Variants in ACTL6A observed in about 807,000 individuals in gnomAD.
The protein encoded by ACTL6A is actin like 6A.
A neutral mutation model predicts 59.2 loss-of-function variants in ACTL6A; 5 were observed. The ratio of observed to expected loss-of-function variants is 0.08; its 90% CI spans 0.04 to 0.18. The LOEUF (loss-of-function observed/expected upper bound fraction) is 0.18, where lower values mean the gene tolerates loss of function less well. Among genes scored for constraint, ACTL6A ranks in the 10% least tolerant of loss-of-function variants. ACTL6A has a pLI of 1.00. For missense variants in ACTL6A, 285 were observed against 526.9 expected (o/e 0.54, Z 4.49); for synonymous variants, 154 against 171.8 (o/e 0.90, Z 0.81).
intron 8 of ACTL6A, among the ~76,000 whole-genome samples, chr3:179,578,895 A>G (rs575222394): frequency 6.6e-6 from 1 of 152,082 alleles, no homozygotes; most frequent in Non-Finnish European, 1.5e-5. Context: ...CCTCCTGAGT[A>G]GCTGGGACTA....
In ACTL6A at chr3:179,582,092, C is replaced by T. The variant is rs915612115; in HGVS notation, c.1026+872C>T. Among the ~76,000 whole-genome samples the T allele has an allele frequency of 4.6e-5, 7 of 152,254 alleles. 1 individual carries two copies. Among genetic ancestry groups the T allele is most frequent in the East Asian group, 1.9e-4 (1 of 5,186 alleles). ...GCTATGAAAATCATACTTTATTTTA[C>T]CTTTATTTCACCTGGTAACCTAGTA... On this transcript the variant is annotated intron_variant, in intron 11 of 13. Coordinates refer to ENST00000429709, the MANE Select transcript of ACTL6A (RefSeq NM_004301.5).
chr3:179,586,626 C>T lies in ACTL6A; in HGVS notation c.1203C>T (p.Ala401=), dbSNP rs1306696628. The T allele has an allele frequency of 6.3e-7, 1 of 1,597,682 alleles. No individual in the cohort carries two copies. Among genetic ancestry groups the T allele is most frequent in the Admixed American group, 1.8e-5 (1 of 55,324 alleles). Residue 401 remains alanine, a synonymous_variant, in exon 13 of 14, where the codon GCC becomes GCT. Transcript: ENST00000429709. ...CATGGATTGGCGGCTCCATTCTAGC[C>T]TCTTTGGTTAGTAGATGAGCTACTT... The part of the protein sequence containing the change: ...FSSWIGGSIL[A]SLGTFQQMWI...
At chr3:179,577,033 C>G (rs1290143472) in intron 8 of ACTL6A, 120 bp downstream of exon 8, 3 of 641,718 alleles carry the variant, frequency 4.7e-6, no homozygotes, top group African/African-American at 1.9e-5. Context: ...TTTTCAAGCT[C>G]TTTATTTTTT....
chr3:179,586,561 T>G lies in ACTL6A; in HGVS notation c.1138T>G (p.Leu380Val), dbSNP rs73883564. ...QKTPPSMRLK[L>V]IANNTTVERR... ...TCTATTTCAGAGTATGCGGTTGAAA[T>G]TGATTGCAAATAATACAACAGTGGA... The change falls in exon 13 of 14, where the codon TTG becomes GTG. Residue 380 changes from leucine (L) to valine (V), a missense_variant. Physicochemically the swap from Leu to Val is conservative, Grantham distance 32 (BLOSUM62 1). Transcript: ENST00000429709. 8.2e-4 allele frequency: 1,309 copies of G among 1,591,762 alleles called. 9 individuals carry two copies. The African/African-American group carries it at 0.016, about 19-fold the overall frequency.
intron 12 of ACTL6A, among the ~76,000 whole-genome samples, chr3:179,584,883 T>C (rs1718439737): frequency 6.6e-6 from 1 of 152,214 alleles, no homozygotes; most frequent in African/African-American, 2.4e-5. Flanking sequence ...TGGTTACATA[T>C]GCCCTAACAA....
intron 1 of ACTL6A, among the ~76,000 whole-genome samples, chr3:179,564,395 A>T (rs779726052): frequency 1.3e-5 from 2 of 152,194 alleles, no homozygotes; most frequent in Non-Finnish European, 2.9e-5. Flanking sequence ...TAAAATCCTC[A>T]AAAAAGACAA....
chr3:179,577,943 G>A (rs1194983686), intron 8 of ACTL6A, among the ~76,000 whole-genome samples: 1 of 151,940 alleles, frequency 6.6e-6, no homozygotes, highest in East Asian at 1.9e-4. Context: ...GTGGTGCAGT[G>A]TACATACACA....
At chr3:179,583,689 C>T in intron 12 of ACTL6A, 1 of 313,420 alleles carries the variant, frequency 3.2e-6, no homozygotes, top group Non-Finnish European at 6.0e-6. Flanking sequence ...AGGCACTAGT[C>T]CCTGCACACC....
intron 3 of ACTL6A, among the ~76,000 whole-genome samples, chr3:179,572,818 A>G (rs945877970): frequency 2.0e-5 from 3 of 152,014 alleles, no homozygotes; most frequent in Non-Finnish European, 4.4e-5. Flanking sequence ...AAAAAGAAAA[A>G]AGAAGGTCAT....
At chr3:179,585,189 G>A (rs1286930416) in intron 12 of ACTL6A, among the ~76,000 whole-genome samples, 2 of 152,082 alleles carry the variant, frequency 1.3e-5, no homozygotes, top group African/African-American at 2.4e-5. Context: ...TGTAACCTCC[G>A]CCTCCTGGGT....
intron 1 of ACTL6A, among the ~76,000 whole-genome samples, chr3:179,569,488 T>C (rs1717938792): frequency 6.6e-6 from 1 of 152,232 alleles, no homozygotes; most frequent in Non-Finnish European, 1.5e-5. Flanking sequence ...TGCCTTGTTA[T>C]ATTTTAATTA....
intron 12 of ACTL6A, among the ~76,000 whole-genome samples, chr3:179,583,961 A>C (rs1167526417): frequency 6.6e-6 from 1 of 152,260 alleles, no homozygotes; most frequent in Non-Finnish European, 1.5e-5. Flanking sequence ...GGTATGTTCC[A>C]GTAATTCAAA....
chr3:179,573,520 CTTT>C, intron 4 of ACTL6A, 51 bp downstream of exon 4: 1 of 987,680 alleles, frequency 1.0e-6, no homozygotes, highest in Non-Finnish European at 1.4e-6. Flanking sequence ...TTTTTTTTTT[CTTT>C]TTTTTTTCCT....
At chr3:179,568,992 G>A (rs1717921419) in intron 1 of ACTL6A, among the ~76,000 whole-genome samples, 1 of 152,202 alleles carries the variant, frequency 6.6e-6, no homozygotes, top group African/African-American at 2.4e-5. Flanking sequence ...ACCTGTATGA[G>A]AGAGTGTCTC....
At chr3:179,567,450 T>C (rs1352621851) in intron 1 of ACTL6A, among the ~76,000 whole-genome samples, 1 of 152,178 alleles carries the variant, frequency 6.6e-6, no homozygotes, top group African/African-American at 2.4e-5. Flanking sequence ...GGGGTTAGGA[T>C]TTTGACATAT....
chr3:179,586,519 G>T, intron 12 of ACTL6A, 27 bp from the exon 13 acceptor site: 37 of 1,158,374 alleles, frequency 3.2e-5, no homozygotes, highest in Non-Finnish European at 4.4e-5. Flanking sequence ...AGATTTGATT[G>T]TACTAATGCA....
chr3:179,563,332 GGC>G (rs1011461321), intron 1 of ACTL6A, among the ~76,000 whole-genome samples: 2 of 152,036 alleles, frequency 1.3e-5, no homozygotes, highest in Admixed American at 1.3e-4. Flanking sequence ...GGCTCTCTGT[GGC>G]CTCTTCCTGC....
chr3:179,576,186 A>T, intron 5 of ACTL6A, 31 bp from the exon 6 acceptor site: 1 of 1,524,636 alleles, frequency 6.6e-7, no homozygotes, highest in African/African-American at 1.4e-5. Context: ...AGCGGCCTTG[A>T]TACTTTCTTT....
rs772179467 is a variant in ACTL6A, at chr3:179,563,063, C to T, written c.-30C>T. ...ACTGCAGTCACTTCGCCAGTTAGCC[C>T]TTAGGGTAGGAGTCGCGCCGGCAGC... On this transcript the variant is annotated 5_prime_UTR_variant, in exon 1 of 14. Coordinates refer to ENST00000429709, the MANE Select transcript of ACTL6A (RefSeq NM_004301.5). 6.2e-7 allele frequency: 1 copy of T among 1,610,198 alleles called. No homozygotes were observed. The highest frequency in any genetic ancestry group is 8.5e-7 in the Non-Finnish European group (1 of 1,179,402).
Sources: gnomAD v4.1 joint callset for allele counts (sites outside exome capture counted in the v4.1 genomes callset) on GRCh38, gnomAD v4.1.1 for gene constraint, MANE v1.5 for transcripts, NCBI Gene and HGNC (gene_info 2026-07-23, HGNC 2026-07-21) for gene names.